The following C1GALT1 variants were observed in gnomAD, a reference collection of about 807,000 sequenced individuals.
C1GALT1 encodes the protein core 1 synthase, glycoprotein-N-acetylgalactosamine 3-beta-galactosyltransferase 1, also known as glycoprotein-N-acetylgalactosamine 3-beta-galactosyltransferase 1.
C1GALT1 carries 11 observed loss-of-function variants against 31.0 expected under a neutral mutation model. The ratio of observed to expected loss-of-function variants is 0.36; its 90% CI spans 0.22 to 0.59. The LOEUF is 0.59. Ranked by LOEUF, C1GALT1 falls within the 20% of genes least tolerant of loss-of-function variation. The pLI is 0.79. For missense variants in C1GALT1, 424 were observed against 425.2 expected (o/e 1.00, Z 0.03); for synonymous variants, 175 against 143.6 (o/e 1.22, Z -1.56).
At chr7:7,194,706 G>T (rs1270051279) in intron 1 of C1GALT1, among the ~76,000 whole-genome samples, 2 of 152,064 alleles carry the variant, frequency 1.3e-5, no homozygotes, top group East Asian at 3.9e-4. Context: ...ATTAGGGAGG[G>T]TTTCCTCTTT....
At chr7:7,240,118 C>A (rs1783558975) in intron 3 of C1GALT1, among the ~76,000 whole-genome samples, 2 of 152,196 alleles carry the variant, frequency 1.3e-5, no homozygotes, top group South Asian at 4.1e-4. Flanking sequence ...TCATCTGGAA[C>A]AGTGATTCTC....
At chr7:7,214,254 GT>G (rs940782142) in intron 1 of C1GALT1, among the ~76,000 whole-genome samples, 2 of 152,074 alleles carry the variant, frequency 1.3e-5, no homozygotes, top group African/African-American at 2.4e-5. Flanking sequence ...GGAAAAAAAG[GT>G]TTTTTTCCCA....
In C1GALT1 at chr7:7,243,891, C is replaced by A; in HGVS notation, c.*164C>A. ...ACTATAAACTGAAGCTTTAAATGAG[C>A]TGTGAAGTGTGTTAAAATGTGTTTT... is the stretch of plus-strand genomic sequence containing the variant. On this transcript the variant is annotated 3_prime_UTR_variant, in exon 4 of 4. Coordinates refer to ENST00000436587, the MANE Select transcript of C1GALT1 (RefSeq NM_020156.5). 1 of 513,322 alleles carries A rather than the reference C, an allele frequency of 1.9e-6. No individual in the cohort carries two copies. Among genetic ancestry groups the A allele is most frequent in the Non-Finnish European group, 3.4e-6 (1 of 295,594 alleles). The allele number at this position is 513,322 out of a possible 1,614,324, so 31.8% of individuals were successfully genotyped here.
rs1376884085 is a variant in C1GALT1, at chr7:7,229,310, G to GTGTT, written c.-17-4992_-17-4989dup. Among the ~76,000 whole-genome samples the GTGTT allele has an allele frequency of 2.0e-5, 3 of 152,298 alleles. No individual in the cohort carries two copies. The East Asian group carries it at 5.8e-4, about 29-fold the overall frequency. The stretch of plus-strand genomic sequence containing the variant: ...CAAGATCAGTGTGCTGTAAGGCAAA[G>GTGTT]TGTTAGTGAGAGAATCAGAGGATGT... On this transcript the variant is annotated intron_variant, in intron 1 of 3. Transcript: ENST00000436587.
chr7:7,214,095 C>A (rs1034533509), intron 1 of C1GALT1, among the ~76,000 whole-genome samples: 1 of 152,186 alleles, frequency 6.6e-6, no homozygotes, highest in Non-Finnish European at 1.5e-5. Context: ...GTATTTTCTA[C>A]TTAGTTATTA....
upstream of C1GALT1, among the ~76,000 whole-genome samples, chr7:7,181,354 A>G (rs1008663927): frequency 3.3e-5 from 5 of 152,172 alleles, no homozygotes; most frequent in African/African-American, 1.2e-4. Context: ...AGAAGTCTGG[A>G]CCCATGAGCC....
Position 7,244,671 on chromosome 7 carries a change from T to C in C1GALT1, c.*944T>C, listed in dbSNP as rs1313033384. 1.3e-5 allele frequency: 2 copies of C among 152,194 alleles called. No homozygotes were observed. The highest frequency in any genetic ancestry group is 2.9e-5 in the Non-Finnish European group (2 of 67,992). 9.4% of individuals were successfully genotyped at this position (152,194 alleles called of 1,614,324 possible). ...TAAACTCTTTCCAACTACATAGTTATGGTTTATTTCATTCTCATCCTGTTG... is the reference window on the plus strand; with the variant it reads ...TAAACTCTTTCCAACTACATAGTTACGGTTTATTTCATTCTCATCCTGTTG... On this transcript the variant is annotated 3_prime_UTR_variant, in exon 4 of 4. Transcript: ENST00000436587.
At chr7:7,158,291 C>G (rs1780295664) in intron 2 of C1GALT1, among the ~76,000 whole-genome samples, 2 of 152,144 alleles carry the variant, frequency 1.3e-5, no homozygotes, top group Admixed American at 1.3e-4. Context: ...CTATACCTGA[C>G]TCTGTTCTGT....
At chr7:7,183,511 T>C in intron 1 of C1GALT1, 1 of 926,890 alleles carries the variant, frequency 1.1e-6, no homozygotes, top group Non-Finnish European at 1.3e-6. Flanking sequence ...ATTTTTTTTT[T>C]TTGCTTCTGC....
intron 1 of C1GALT1, among the ~76,000 whole-genome samples, chr7:7,186,540 C>A (rs1013089818): frequency 6.6e-6 from 1 of 152,188 alleles, no homozygotes; most frequent in African/African-American, 2.4e-5. Flanking sequence ...GATGGAGACT[C>A]AGGTTTCAGA....
At chr7:7,171,060 C>T (rs1780448541) in intron 2 of C1GALT1, among the ~76,000 whole-genome samples, 1 of 151,852 alleles carries the variant, frequency 6.6e-6, no homozygotes. Context: ...CTTCCATGTG[C>T]CCTTGAGAAA....
intron 1 of C1GALT1, among the ~76,000 whole-genome samples, chr7:7,206,225 ATG>A (rs1301089422): frequency 6.6e-4 from 90 of 135,374 alleles, no homozygotes; most frequent in Non-Finnish European, 1.1e-3. Flanking sequence ...ATGTAAAAAA[ATG>A]TGGAGTTCCA....
At chr7:7,172,470 T>C (rs948627623) in intron 2 of C1GALT1, among the ~76,000 whole-genome samples, 1 of 152,204 alleles carries the variant, frequency 6.6e-6, no homozygotes, top group Non-Finnish European at 1.5e-5. Flanking sequence ...ATTCAGTTTC[T>C]TGGATTTGTA....
At chr7:7,221,654 C>T (rs1782515199) in intron 1 of C1GALT1, among the ~76,000 whole-genome samples, 1 of 152,216 alleles carries the variant, frequency 6.6e-6, no homozygotes, top group African/African-American at 2.4e-5. Flanking sequence ...ATATATTGCT[C>T]AACCTCTTAG....
intron 1 of C1GALT1, among the ~76,000 whole-genome samples, chr7:7,216,675 C>G (rs578035715): frequency 1.3e-5 from 2 of 152,214 alleles, no homozygotes; most frequent in African/African-American, 2.4e-5. Context: ...TAAGTACTAT[C>G]TTAATCGGAG....
intron 2 of C1GALT1, among the ~76,000 whole-genome samples, chr7:7,176,289 G>GA (rs371682219): frequency 5.1e-4 from 75 of 147,860 alleles, no homozygotes; most frequent in East Asian, 2.0e-3. Context: ...CTTGAAATAA[G>GA]AAAAAAAAAA....
chr7:7,176,416 A>T (rs1006327633), intron 2 of C1GALT1, among the ~76,000 whole-genome samples: 2 of 152,228 alleles, frequency 1.3e-5, no homozygotes, highest in Non-Finnish European at 2.9e-5. Flanking sequence ...AGAAACTTCA[A>T]CTATTTCACT....
intron 2 of C1GALT1, among the ~76,000 whole-genome samples, chr7:7,168,548 C>G (rs1349294293): frequency 6.6e-6 from 1 of 152,168 alleles, no homozygotes; most frequent in Non-Finnish European, 1.5e-5. Context: ...TTACTTCCAG[C>G]AATCTTCTCC....
In C1GALT1 at chr7:7,243,805, A is replaced by C. The variant is rs1583844385; in HGVS notation, c.*78A>C. The C allele has an allele frequency of 2.8e-6, 3 of 1,064,308 alleles. No homozygotes were observed. The highest frequency in any genetic ancestry group is 4.8e-5 in the East Asian group (2 of 41,278). 65.9% of individuals were successfully genotyped at this position (1,064,308 alleles called of 1,614,324 possible). A position where few individuals can be genotyped will look rare whatever the true frequency, so the allele number is the denominator to read the frequency against. On this transcript the variant is annotated 3_prime_UTR_variant, in exon 4 of 4. Coordinates refer to ENST00000436587, the MANE Select transcript of C1GALT1 (RefSeq NM_020156.5). ...GACTTCTGCATTTCTGACATAGAAC[A>C]CTGGAATCCCAGTGAGGAATTCTAA...
Sources: gnomAD v4.1 joint callset for allele counts (sites outside exome capture counted in the v4.1 genomes callset) on GRCh38, gnomAD v4.1.1 for gene constraint, MANE v1.5 for transcripts, NCBI Gene and HGNC (gene_info 2026-07-23, HGNC 2026-07-21) for gene names.